Variants in NEXMIF observed in about 807,000 individuals in gnomAD.
NEXMIF encodes neurite extension and migration factor.
NEXMIF carries 8 observed loss-of-function variants against 62.1 expected under a neutral mutation model. The observed-to-expected ratio is 0.13, with a 90% CI of 0.08 to 0.23. NEXMIF has a LOEUF of 0.23. NEXMIF is among the 10% of genes least tolerant of loss of function. The pLI, the probability that NEXMIF is intolerant of heterozygous loss-of-function variation, is 1.00. For missense variants in NEXMIF, 976 were observed against 1,113.3 expected, an observed-to-expected ratio of 0.88 and a Z score of 1.75; for synonymous variants, 404 against 416.6, an observed-to-expected ratio of 0.97 and a Z score of 0.37.
intron 1 of NEXMIF, among the ~76,000 whole-genome samples, chrX:74,775,772 A>T (rs2080226942): frequency 9.0e-6 from 1 of 110,744 alleles, no homozygotes; most frequent in Non-Finnish European, 1.9e-5. Flanking sequence ...CAGTCACCCA[A>T]ATTGTTGTCA....
intron 1 of NEXMIF, among the ~76,000 whole-genome samples, chrX:74,868,239 C>G (rs2080587278): frequency 9.0e-6 from 1 of 111,607 alleles, no homozygotes; most frequent in African/African-American, 3.3e-5. Flanking sequence ...GACCTAGAAA[C>G]CAGAAATACC....
At chrX:74,920,387 C>T (rs2080822577) in intron 1 of NEXMIF, among the ~76,000 whole-genome samples, 1 of 112,401 alleles carries the variant, frequency 8.9e-6, no homozygotes, top group Non-Finnish European at 1.9e-5. Flanking sequence ...TGATGATGAG[C>T]AGTTTTTCAT....
At chrX:74,856,877 G>T (rs2080536953) in intron 1 of NEXMIF, among the ~76,000 whole-genome samples, 1 of 110,140 alleles carries the variant, frequency 9.1e-6, no homozygotes, top group African/African-American at 3.3e-5. Context: ...TGAAGCAATT[G>T]TGAGACTGCA....
At chrX:74,871,106 T>C (rs1462718825) in intron 1 of NEXMIF, among the ~76,000 whole-genome samples, 1 of 111,827 alleles carries the variant, frequency 8.9e-6, no homozygotes, top group Non-Finnish European at 1.9e-5. Flanking sequence ...AGAAAATGTA[T>C]CGGGGGAACC....
intron 1 of NEXMIF, among the ~76,000 whole-genome samples, chrX:74,900,827 G>T (rs1191047572): frequency 8.9e-6 from 1 of 112,347 alleles, no homozygotes; most frequent in East Asian, 2.8e-4. Flanking sequence ...AGCCTAAAAA[G>T]AAGTAAATTC....
At chrX:74,887,485 A>T (rs1024174550) in intron 1 of NEXMIF, among the ~76,000 whole-genome samples, 1 of 112,305 alleles carries the variant, frequency 8.9e-6, no homozygotes, top group Non-Finnish European at 1.9e-5. Context: ...AAGTGGGCGA[A>T]GGATATTAAC....
chrX:74,919,537 CACAACAT>C (rs1362933476), intron 1 of NEXMIF, among the ~76,000 whole-genome samples: 1 of 111,234 alleles, frequency 9.0e-6, no homozygotes, highest in Non-Finnish European at 1.9e-5. Context: ...AGGCATAAAC[CACAACAT>C]ATGGTCACTC....
At chrX:74,775,339 A>G (rs1381239377) in intron 1 of NEXMIF, among the ~76,000 whole-genome samples, 1 of 111,820 alleles carries the variant, frequency 8.9e-6, no homozygotes, top group East Asian at 2.8e-4. Flanking sequence ...GTCCAAATTG[A>G]TGTTTTTGCC....
intron 1 of NEXMIF, among the ~76,000 whole-genome samples, chrX:74,846,940 A>G (rs765300085): frequency 5.9e-4 from 66 of 112,215 alleles, no homozygotes; most frequent in African/African-American, 2.0e-3. Context: ...AAAATGTCCC[A>G]TTTTAATGCT....
intron 1 of NEXMIF, 100 bp from the exon 2 acceptor site, chrX:74,745,797 T>C: frequency 2.2e-6 from 1 of 448,443 alleles, no homozygotes; most frequent in Non-Finnish European, 3.9e-6. Context: ...TCACTGGGAT[T>C]TACCTGTTTC....
intron 1 of NEXMIF, among the ~76,000 whole-genome samples, chrX:74,855,508 T>C (rs370652664): frequency 1.8e-5 from 2 of 111,840 alleles, no homozygotes; most frequent in East Asian, 5.6e-4. Flanking sequence ...AGCTGAGGAA[T>C]GAAATTTCTA....
chrX:74,914,751 T>C (rs1569368259), intron 1 of NEXMIF, among the ~76,000 whole-genome samples: 1 of 111,989 alleles, frequency 8.9e-6, no homozygotes, highest in Non-Finnish European at 1.9e-5. Flanking sequence ...TTCATAGCAG[T>C]TTTATTTGTA....
At chrX:74,882,166 T>A (rs984709139) in intron 1 of NEXMIF, among the ~76,000 whole-genome samples, 25 of 111,383 alleles carry the variant, frequency 2.2e-4, no homozygotes, top group African/African-American at 8.2e-4. Flanking sequence ...TGTGGTGGGG[T>A]GGAGCCAAGA....
rs1258410710 is a variant in NEXMIF, at chrX:74,737,470, G to A, written c.*1935C>T. 1 of 111,143 alleles carries A rather than the reference G, an allele frequency of 9.0e-6. No individual in the cohort carries two copies. Among genetic ancestry groups the A allele is most frequent in the Non-Finnish European group, 1.9e-5 (1 of 52,979 alleles). 9.2% of individuals were successfully genotyped at this position (111,143 alleles called of 1,213,427 possible). A position where few individuals can be genotyped will look rare whatever the true frequency, so the allele number is the denominator to read the frequency against. ...CTGCAAACAGAGCATTAAAGCCTAG[G>A]AATGGGCCTGTACCAGCCTCACAGA... On this transcript the variant is annotated 3_prime_UTR_variant, in exon 4 of 4. Coordinates refer to ENST00000055682, the MANE Select transcript of NEXMIF (RefSeq NM_001008537.3).
Position 74,736,459 on chromosome X carries a change from G to C in NEXMIF, c.*2946C>G, listed in dbSNP as rs1293508393. The stretch of plus-strand genomic sequence containing the variant: ...ATTAATAGGAAACAGCTTCTCAGAG[G>C]GGGAAGGTTAGAAGGGAGCGGTAAT... On this transcript the variant is annotated 3_prime_UTR_variant, in exon 4 of 4. Transcript: ENST00000055682. 1.8e-5 allele frequency: 2 copies of C among 111,386 alleles called. No individual in the cohort carries two copies. Among genetic ancestry groups the C allele is most frequent in the Admixed American group, 1.9e-4 (2 of 10,332 alleles). 9.2% of individuals were successfully genotyped at this position (111,386 alleles called of 1,213,427 possible).
At chrX:74,875,294 A>C (rs776756383) in intron 1 of NEXMIF, among the ~76,000 whole-genome samples, 1 of 111,540 alleles carries the variant, frequency 9.0e-6, no homozygotes, top group Non-Finnish European at 1.9e-5. Context: ...GCTGGATTAC[A>C]TTTATTGATT....
chrX:74,740,300 G>A lies in NEXMIF; in HGVS notation c.4257C>T (p.Asn1419=), dbSNP rs764940962. The A allele has an allele frequency of 3.3e-5, 40 of 1,209,182 alleles. No homozygotes were observed. The highest frequency in any genetic ancestry group is 4.1e-5 in the Non-Finnish European group (37 of 894,880). ...CAAAGAAGGTAGAGCGAGAGTCCTC[G>A]TTATAACCAGGCATGTTTGCACGAC... ...DPGRANMPGY[N]EDSRSTFFDK... Residue 1419 remains asparagine (N), a synonymous_variant, in exon 3 of 4, where the codon AAC becomes AAT. Coordinates refer to ENST00000055682, the MANE Select transcript of NEXMIF (RefSeq NM_001008537.3).
chrX:74,812,001 A>T (rs2080361997), intron 1 of NEXMIF, among the ~76,000 whole-genome samples: 1 of 113,100 alleles, frequency 8.8e-6, no homozygotes, highest in South Asian at 3.6e-4. Flanking sequence ...GAGAATATTT[A>T]TGTGATTCAA....
intron 2 of NEXMIF, 35 bp downstream of exon 2, chrX:74,745,537 A>G (rs2080123631): frequency 1.0e-6 from 1 of 968,938 alleles, no homozygotes; most frequent in South Asian, 2.0e-5. Flanking sequence ...GACTACCAGG[A>G]GAGATATTAA....
Sources: allele counts gnomAD v4.1 joint callset (sites outside exome capture counted in the v4.1 genomes callset), GRCh38; gene constraint gnomAD v4.1.1; transcripts MANE v1.5; gene names NCBI Gene and HGNC (gene_info 2026-07-23, HGNC 2026-07-21).